DRC11: variants seen among roughly 807,000 people sequenced by gnomAD.
The protein encoded by DRC11 is IQ and AAA domain-containing protein 1.
the DRC11 span, among the ~76,000 whole-genome samples, chr2:236,336,612 C>A: frequency 1.3e-5 from 2 of 152,304 alleles, no homozygotes; most frequent in South Asian, 4.1e-4. The surrounding 1 kb of genome is among the most constrained non-coding windows in gnomAD (Gnocchi z 7.3). Flanking sequence ...AACACAGTCA[C>A]CCTATCTCCC....
the DRC11 span, among the ~76,000 whole-genome samples, chr2:236,420,892 G>C: frequency 1.3e-5 from 2 of 152,176 alleles, no homozygotes; most frequent in East Asian, 1.9e-4. The surrounding 1 kb of genome is among the most constrained non-coding windows in gnomAD (Gnocchi z 4.8). Flanking sequence ...TTGTACTGGA[G>C]CACTTGTAAC....
chr2:236,314,917 A>T, the DRC11 span, among the ~76,000 whole-genome samples: 4 of 152,232 alleles, frequency 2.6e-5, no homozygotes, highest in East Asian at 7.7e-4. This position sits in a 1 kb window ranked among gnomAD's most constrained non-coding sequence, Gnocchi z 4.5. Context: ...TTAAAATATT[A>T]GTTTTTTGGT....
the DRC11 span, chr2:236,324,698 T>C: frequency 6.4e-7 from 1 of 1,572,524 alleles, no homozygotes; most frequent in Non-Finnish European, 8.7e-7. This position sits in a 1 kb window ranked among gnomAD's most constrained non-coding sequence, Gnocchi z 5.7. Context: ...TTATTTCCTT[T>C]TCCCTTTGTC....
chr2:236,492,708 C>T, the DRC11 span, among the ~76,000 whole-genome samples: 1 of 152,178 alleles, frequency 6.6e-6, no homozygotes, highest in Non-Finnish European at 1.5e-5. Flanking sequence ...GCCATCCTGC[C>T]AGAAGGTAGA....
chr2:236,398,447 T>C, the DRC11 span, among the ~76,000 whole-genome samples: 26,159 of 152,164 alleles, frequency 0.17, 2,529 homozygotes, highest in Non-Finnish European at 0.22. The surrounding 1 kb of genome is among the most constrained non-coding windows in gnomAD (Gnocchi z 6.2). Context: ...AAAATACATC[T>C]ATTAAGTTAA....
the DRC11 span, among the ~76,000 whole-genome samples, chr2:236,356,665 T>C: frequency 1.3e-5 from 2 of 151,680 alleles, no homozygotes; most frequent in South Asian, 2.1e-4. Flanking sequence ...AAAGAGAAAA[T>C]ATGTGTAAAA....
At chr2:236,489,659 C>G in the DRC11 span, among the ~76,000 whole-genome samples, 3 of 152,164 alleles carry the variant, frequency 2.0e-5, no homozygotes, top group Non-Finnish European at 4.4e-5. Context: ...CAGTGGCTCA[C>G]ACCTGTAATC....
At chr2:236,420,812 A>G in the DRC11 span, among the ~76,000 whole-genome samples, 1 of 152,162 alleles carries the variant, frequency 6.6e-6, no homozygotes, top group Admixed American at 6.5e-5. This position sits in a 1 kb window ranked among gnomAD's most constrained non-coding sequence, Gnocchi z 4.8. Flanking sequence ...CCTGCCTCAA[A>G]AAAACAAAAC....
the DRC11 span, among the ~76,000 whole-genome samples, chr2:236,374,857 A>AT: frequency 0.039 from 4,968 of 125,914 alleles, 125 homozygotes; most frequent in Non-Finnish European, 0.046. Context: ...TGCCTGGCTA[A>AT]TTTTTTTTTT....
chr2:236,342,478 G>C, the DRC11 span, among the ~76,000 whole-genome samples: 1 of 152,316 alleles, frequency 6.6e-6, no homozygotes, highest in African/African-American at 2.4e-5. This position sits in a 1 kb window ranked among gnomAD's most constrained non-coding sequence, Gnocchi z 5.8. Flanking sequence ...AGGATCTTGG[G>C]TGAGACACAG....
the DRC11 span, among the ~76,000 whole-genome samples, chr2:236,354,997 T>C: frequency 2.0e-5 from 3 of 152,204 alleles, no homozygotes; most frequent in Non-Finnish European, 4.4e-5. Context: ...TTTGTGTTCT[T>C]TTTTCTCCTT....
chr2:236,335,324 G>A, the DRC11 span, among the ~76,000 whole-genome samples: 17 of 152,328 alleles, frequency 1.1e-4, no homozygotes, highest in Admixed American at 1.1e-3. This position sits in a 1 kb window ranked among gnomAD's most constrained non-coding sequence, Gnocchi z 5.6. Flanking sequence ...CAAGGTCACT[G>A]GAGGAAATGC....
chr2:236,448,539 T>C, the DRC11 span, among the ~76,000 whole-genome samples: 2 of 152,174 alleles, frequency 1.3e-5, no homozygotes, highest in African/African-American at 4.8e-5. This position sits in a 1 kb window ranked among gnomAD's most constrained non-coding sequence, Gnocchi z 5.3. Context: ...TCTCACCATG[T>C]TGCCCAGGCT....
At chr2:236,374,178 G>T in the DRC11 span, among the ~76,000 whole-genome samples, 1 of 152,138 alleles carries the variant, frequency 6.6e-6, no homozygotes, top group Non-Finnish European at 1.5e-5. Context: ...GCTCAATGGG[G>T]AAAATTTGTC....
chr2:236,386,928 G>C, the DRC11 span, among the ~76,000 whole-genome samples: 1 of 145,626 alleles, frequency 6.9e-6, no homozygotes, highest in African/African-American at 2.5e-5. Flanking sequence ...GTACCCAGTA[G>C]TCATTCAGGA....
At chr2:236,311,122 C>A in the DRC11 span, among the ~76,000 whole-genome samples, 1 of 152,200 alleles carries the variant, frequency 6.6e-6, no homozygotes, top group East Asian at 1.9e-4. This position sits in a 1 kb window ranked among gnomAD's most constrained non-coding sequence, Gnocchi z 6.9. Flanking sequence ...CTCTGCACAG[C>A]CCCCAGGTGT....
At chr2:236,492,951 C>G in the DRC11 span, among the ~76,000 whole-genome samples, 1 of 152,312 alleles carries the variant, frequency 6.6e-6, no homozygotes, top group East Asian at 1.9e-4. Context: ...TATTCTTCCC[C>G]CAATGACAGT....
the DRC11 span, among the ~76,000 whole-genome samples, chr2:236,488,347 G>T: frequency 1.3e-5 from 2 of 152,176 alleles, no homozygotes; most frequent in African/African-American, 4.8e-5. Flanking sequence ...CATTTTTCCA[G>T]TGAATGATGT....
chr2:236,483,325 T>G, the DRC11 span, among the ~76,000 whole-genome samples: 1 of 152,184 alleles, frequency 6.6e-6, no homozygotes, highest in Non-Finnish European at 1.5e-5. The surrounding 1 kb of genome is among the most constrained non-coding windows in gnomAD (Gnocchi z 4.8). Flanking sequence ...ACAGCACACC[T>G]AAACAACTAA....
Sources: allele counts gnomAD v4.1 joint callset (sites outside exome capture counted in the v4.1 genomes callset), GRCh38; gene constraint gnomAD v4.1.1; non-coding constraint Gnocchi (gnomAD v3.1); transcripts MANE v1.5; gene names NCBI Gene and HGNC (gene_info 2026-07-23, HGNC 2026-07-21).